Variants in FAAP100 observed in about 807,000 individuals in gnomAD.
The protein encoded by FAAP100 is Fanconi anemia core complex-associated protein 100.
Under a neutral mutation model 65.8 loss-of-function variants are expected in FAAP100, and 46 were observed. The ratio of observed to expected loss-of-function variants is 0.70; its 90% CI spans 0.55 to 0.89. The LOEUF is 0.89. Among genes scored for constraint, FAAP100 ranks in the 40% least tolerant of loss-of-function variants. The probability of loss-of-function intolerance (pLI) is 0.00; values close to 1 mark genes in which losing one functional copy is unlikely to be tolerated. For missense variants in FAAP100, 1,165 were observed against 1,196.7 expected (o/e 0.97, Z 0.39); for synonymous variants, 663 against 555.1 (o/e 1.19, Z -2.73).
intron 8 of FAAP100, 72 bp downstream of exon 8, chr17:81,541,237 A>G (rs62076028): frequency 0.66 from 967,761 of 1,468,188 alleles, 321,516 homozygotes; most frequent in South Asian, 0.71. Flanking sequence ...CCGAGTGACT[A>G]GAGGGGGGCC....
Position 81,549,250 on chromosome 17 carries a change from C to A in FAAP100, c.1359G>T (p.Gln453His). ...PARMTTESAG[Q>H]KIKELLSGIG... ...TTCCAGACAGCAGCTCCTTTATTTT[C>A]TGACCTGCACTCTCTGTGGTCATCC... The change falls in exon 4 of 9, where the codon CAG becomes CAT. Residue 453 changes from glutamine (Q) to histidine (H), a missense_variant. Gln to His is a conservative substitution (Grantham distance 24, BLOSUM62 0). Transcript: ENST00000327787. The A allele has an allele frequency of 6.2e-7, 1 of 1,613,110 alleles. No homozygotes were observed. The highest frequency in any genetic ancestry group is 8.5e-7 in the Non-Finnish European group (1 of 1,179,994).
rs372449520 is a variant in FAAP100, at chr17:81,552,310, C to T, written c.21G>A (p.Arg7=). The T allele has an allele frequency of 9.2e-6, 13 of 1,418,746 alleles. No individual in the cohort carries two copies. In the South Asian group the frequency reaches 1.6e-4, roughly 17 times the overall value. The allele number at this position is 1,418,746 out of a possible 1,614,324, so 87.9% of individuals were successfully genotyped here. A position where few individuals can be genotyped will look rare whatever the true frequency, so the allele number is the denominator to read the frequency against. The stretch of plus-strand genomic sequence containing the variant: ...AGCAGAAGCCCGCCAGGTAGCGGAC[C>T]CGCGGCGCGGCGCCGGCCATCGTGC... MAGAAP[R]VRYLAGFCCP... is the part of the protein sequence containing the mutation. The change falls in exon 1 of 9, where the codon CGG becomes CGA. Residue 7 remains arginine (R), a synonymous_variant. Coordinates refer to ENST00000327787, the MANE Select transcript of FAAP100 (RefSeq NM_025161.6).
chr17:81,552,520 G>A, upstream of FAAP100: 1 of 461,512 alleles, frequency 2.2e-6, no homozygotes, highest in Non-Finnish European at 3.5e-6. Context: ...CCCACGGGGA[G>A]CAGGGGAGCC....
chr17:81,543,918 C>T lies in FAAP100; in HGVS notation c.2427+86G>A, dbSNP rs974864578. 1.4e-5 allele frequency: 17 copies of T among 1,259,150 alleles called. 1 individual carries two copies. Among genetic ancestry groups the T allele is most frequent in the South Asian group, 1.3e-4 (10 of 74,780 alleles). The allele number at this position is 1,259,150 out of a possible 1,614,324, so 78.0% of individuals were successfully genotyped here. A position where few individuals can be genotyped will look rare whatever the true frequency, so the allele number is the denominator to read the frequency against. On this transcript the variant is annotated intron_variant, in intron 7 of 8. Coordinates refer to ENST00000327787, the MANE Select transcript of FAAP100 (RefSeq NM_025161.6). ...CTCCCTTGCAGGGAGCCGCAGACCC[C>T]GTGGCCAGCAGCTACAGGGTCCCAT...
chr17:81,549,455 T>G (rs984326896), intron 3 of FAAP100, 93 bp from the exon 4 acceptor site: 30 of 1,463,368 alleles, frequency 2.1e-5, no homozygotes, highest in Non-Finnish European at 2.6e-5. Context: ...AGGAAAGAAG[T>G]TGGAAGACGG....
At chr17:81,546,409 C>T (rs549042253) in intron 5 of FAAP100, 77 of 161,126 alleles carry the variant, frequency 4.8e-4, no homozygotes, top group African/African-American at 1.7e-3. Context: ...GCCTGATGAA[C>T]GGTGCTGGGG....
At position 81,550,297 on chromosome 17, in the gene FAAP100, C is replaced by T. The variant is rs1598599519; in HGVS notation, c.1197G>A (p.Leu399=). The change falls in exon 3 of 9, where the codon CTG becomes CTA. Residue 399 remains leucine (L), a synonymous_variant. Transcript: ENST00000327787. ...ACAGCGAGACGACACTGCAGATGTT[C>T]AGGCTGGCTGGGCACAGCATGGGGG... ...GLPPMLCPAS[L]NICSVVSLSA... The T allele has an allele frequency of 1.2e-6, 2 of 1,611,898 alleles. No homozygotes were observed. The highest frequency in any genetic ancestry group is 1.7e-6 in the Non-Finnish European group (2 of 1,179,520).
intron 4 of FAAP100, 108 bp downstream of exon 4, chr17:81,549,098 G>C (rs1415430369): frequency 3.1e-5 from 35 of 1,130,816 alleles, no homozygotes; most frequent in Non-Finnish European, 4.1e-5. Flanking sequence ...GCCTGGCCTG[G>C]ACCGTTGCCA....
rs1441268059 is a variant in FAAP100 at position 81,546,995 on chromosome 17, A to G, written c.2087T>C (p.Leu696Pro). ...AGATGGGGGCAGGTACTCGGCCCGC[A>G]GGGAGGCGGGTCCTGCTGGCTGGCT... ...PGSQPAGPAS[L>P]RAEYLPPSVA... Residue 696 changes from leucine (L) to proline (P), a missense_variant, in exon 5 of 9, where the codon CTG (leucine) becomes CCG (proline). Physicochemically the swap from Leu to Pro is moderately conservative, Grantham distance 98. Transcript: ENST00000327787. The G allele has an allele frequency of 1.9e-5, 29 of 1,519,282 alleles. No individual in the cohort carries two copies. The East Asian group carries it at 6.7e-4, about 35-fold the overall frequency. The allele number at this position is 1,519,282 out of a possible 1,614,324, so 94.1% of individuals were successfully genotyped here.
At position 81,541,397 on chromosome 17, in the gene FAAP100, TG is replaced by T; in HGVS notation, c.2428-3del. 1.2e-6 allele frequency: 2 copies of T among 1,603,084 alleles called. No homozygotes were observed. ...GGTGGCCTGCTCTGTCACCATCGTCTGGGGGACACAGGAGACATGCTGGAGA... is the reference window on the plus strand; with the variant it reads ...GGTGGCCTGCTCTGTCACCATCGTCTGGGGACACAGGAGACATGCTGGAGA... On this transcript the variant is annotated splice_region_variant and splice_polypyrimidine_tract_variant and intron_variant, in intron 7 of 8. Coordinates refer to ENST00000327787, the MANE Select transcript of FAAP100 (RefSeq NM_025161.6).
chr17:81,542,146 G>A (rs1389487390), intron 7 of FAAP100, among the ~76,000 whole-genome samples: 2 of 110,904 alleles, frequency 1.8e-5, no homozygotes, highest in African/African-American at 3.6e-5. Context: ...CAGCCTGGGC[G>A]ACAGAGTGAG....
intron 6 of FAAP100, 95 bp downstream of exon 6, chr17:81,545,651 C>T: frequency 8.3e-6 from 12 of 1,447,742 alleles, no homozygotes; most frequent in Non-Finnish European, 1.1e-5. Flanking sequence ...TGCCAGGCCC[C>T]CACCCAGGGT....
chr17:81,545,658 G>A (rs545655274), intron 6 of FAAP100, 88 bp downstream of exon 6: 1 of 1,477,924 alleles, frequency 6.8e-7, no homozygotes, highest in African/African-American at 1.4e-5. Context: ...CCCCCACCCA[G>A]GGTGAGGGGT....
In FAAP100 at chr17:81,550,261, G is replaced by A; in HGVS notation, c.1233C>T (p.Pro411=). 6.2e-7 allele frequency: 1 copy of A among 1,604,444 alleles called. No individual in the cohort carries two copies. The highest frequency in any genetic ancestry group is 8.5e-7 in the Non-Finnish European group (1 of 1,174,578). ...ICSVVSLSAS[P]RTHEGGTKLL... Reference sequence around the variant, plus strand: ...AGCAGCTCATACCTTCATGCGTCCTGGGAGACGCGGACAGCGAGACGACAC... The same window carrying A: ...AGCAGCTCATACCTTCATGCGTCCTAGGAGACGCGGACAGCGAGACGACAC... The change falls in exon 3 of 9, where the codon CCC becomes CCT. Residue 411 remains proline, a synonymous_variant. Transcript: ENST00000327787.
At chr17:81,543,831 G>A (rs757986010) in intron 7 of FAAP100, among the ~76,000 whole-genome samples, 173 bp downstream of exon 7, 22 of 152,086 alleles carry the variant, frequency 1.4e-4, no homozygotes, top group Non-Finnish European at 2.1e-4. Flanking sequence ...GCCTCTCATC[G>A]CCCACAGCTC....
chr17:81,541,038 C>T, intron 8 of FAAP100, 88 bp from the exon 9 acceptor site: 1 of 1,441,424 alleles, frequency 6.9e-7, no homozygotes. Flanking sequence ...ACTCGCAGGA[C>T]CCTACTTGGG....
chr17:81,547,085 G>T lies in FAAP100; in HGVS notation c.1997C>A (p.Pro666His). Residue 666 changes from proline to histidine, a missense_variant, in exon 5 of 9, where the codon CCC becomes CAC. By Grantham distance (77) the Pro-to-His change is moderately conservative. Coordinates refer to ENST00000327787, the MANE Select transcript of FAAP100 (RefSeq NM_025161.6). ...PGLAPPHTRA[P>H]SPLGPTRDPV... ...GTCTCGGGTGGGGCCGAGTGGGGAG[G>T]GGGCCCGTGTGTGTGGCGGGGCCAG... 1 of 1,533,072 alleles carries T rather than the reference G, an allele frequency of 6.5e-7. No homozygotes were observed. The highest frequency in any genetic ancestry group is 8.8e-7 in the Non-Finnish European group (1 of 1,140,222). 95.0% of individuals were successfully genotyped at this position (1,533,072 alleles called of 1,614,324 possible).
chr17:81,552,593 C>T (rs964273129), upstream of FAAP100, among the ~76,000 whole-genome samples: 5 of 152,176 alleles, frequency 3.3e-5, no homozygotes, highest in Non-Finnish European at 7.4e-5. Context: ...GGTGGGAGCC[C>T]TCGGCGGCTT....
chr17:81,540,940 C>G lies in FAAP100; in HGVS notation c.2525G>C (p.Arg842Pro). ...QIHANHETLL[R>P]EVQTLRDRLC... Reference sequence around the variant, plus strand: ...CCGGTCGCGCAGGGTCTGCACCTCCCGCAGCAGTGTCTGCAGGTGAAGCAG... The same window carrying G: ...CCGGTCGCGCAGGGTCTGCACCTCCGGCAGCAGTGTCTGCAGGTGAAGCAG... Residue 842 changes from arginine to proline, a missense_variant, in exon 9 of 9, where the codon CGG (arginine) becomes CCG (proline). Transcript: ENST00000327787. 7 of 1,585,970 alleles carry G rather than the reference C, an allele frequency of 4.4e-6. No individual in the cohort carries two copies. Among genetic ancestry groups the G allele is most frequent in the Non-Finnish European group, 6.0e-6 (7 of 1,169,636 alleles).
Sources: allele counts gnomAD v4.1 joint callset (sites outside exome capture counted in the v4.1 genomes callset), GRCh38; gene constraint gnomAD v4.1.1; transcripts MANE v1.5; gene names NCBI Gene and HGNC (gene_info 2026-07-23, HGNC 2026-07-21).